The following PPP2R1B variants were observed in gnomAD, a reference collection of about 807,000 sequenced individuals.
The protein encoded by PPP2R1B is protein phosphatase 2 scaffold subunit Abeta.
In PPP2R1B, 58 loss-of-function variants were observed where a neutral mutation model predicts 72.7. The ratio of observed to expected loss-of-function variants is 0.80; its 90% CI spans 0.65 to 0.99. PPP2R1B has a LOEUF of 0.99. PPP2R1B is among the 50% of genes least tolerant of loss of function. PPP2R1B has a pLI of 0.00. For missense variants in PPP2R1B, 695 were observed against 733.6 expected, an observed-to-expected ratio of 0.95 and a Z score of 0.61; for synonymous variants, 256 against 264.6, an observed-to-expected ratio of 0.97 and a Z score of 0.32.
At chr11:111,708,052 G>A in the PPP2R1B span, among the ~76,000 whole-genome samples, 1 of 152,198 alleles carries the variant, frequency 6.6e-6, no homozygotes, top group African/African-American at 2.4e-5. Context: ...CCTGGAAACA[G>A]TTGCTCCCCT....
At chr11:111,690,711 G>A in the PPP2R1B span, among the ~76,000 whole-genome samples, 1 of 151,646 alleles carries the variant, frequency 6.6e-6, no homozygotes, top group Non-Finnish European at 1.5e-5. Context: ...AACATGTGGT[G>A]TTTGGTTTTC....
At position 111,763,205 on chromosome 11, in the gene PPP2R1B, G is replaced by C. The variant is rs566702486; in HGVS notation, c.306+1600C>G. ...TGAAAGAGCTTTTCATTAGAGGGAA[G>C]ACCTAGGGCAAAGGTCCTAAGGGAA... On this transcript the variant is annotated intron_variant, in intron 3 of 14. Transcript: ENST00000527614. Among the ~76,000 whole-genome samples the C allele has an allele frequency of 2.0e-5, 3 of 152,330 alleles. No homozygotes were observed. The South Asian group carries it at 6.2e-4, about 32-fold the overall frequency.
intron 3 of PPP2R1B, among the ~76,000 whole-genome samples, chr11:111,764,162 A>T (rs782332438): frequency 7.9e-5 from 12 of 151,162 alleles, no homozygotes; most frequent in Admixed American, 1.3e-4. Flanking sequence ...CTGCACGGTA[A>T]TTATTTGCTG....
chr11:111,755,576 C>A, intron 5 of PPP2R1B, 126 bp from the exon 6 acceptor site: 918 of 597,796 alleles, frequency 1.5e-3, no homozygotes, highest in Non-Finnish European at 2.2e-3. Context: ...AGTTTCACGT[C>A]TTGACATCTT....
rs1945258443 is a variant in PPP2R1B, at chr11:111,759,822, A to T, written c.669T>A (p.Ser223Arg). ...AGTTTACCTGTTCATCTGAAGCTAG[A>T]CTAGTGAACAGTGGAACAATTTCAC... The part of the protein sequence containing the change: ...VKSEIVPLFT[S>R]LASDEQDSVR... Residue 223 changes from serine to arginine, a missense_variant, in exon 5 of 15, where the codon AGT (serine) becomes AGA (arginine). Transcript: ENST00000527614. 6.2e-7 allele frequency: 1 copy of T among 1,612,936 alleles called. No homozygotes were observed. Among genetic ancestry groups the T allele is most frequent in the African/African-American group, 1.3e-5 (1 of 75,022 alleles).
chr11:111,754,584 GA>G lies in PPP2R1B; in HGVS notation c.959-16del. The G allele has an allele frequency of 6.3e-7, 1 of 1,587,018 alleles. No individual in the cohort carries two copies. Among genetic ancestry groups the G allele is most frequent in the Non-Finnish European group, 8.5e-7 (1 of 1,173,134 alleles). ...CTCACCAAGTTCTAAAAGATAAATA[GA>G]AAAAAAGAATGCTTTCACAGGGCCA... On this transcript the variant is annotated splice_polypyrimidine_tract_variant and intron_variant, in intron 7 of 14. Coordinates refer to ENST00000527614, the MANE Select transcript of PPP2R1B (RefSeq NM_002716.5).
At chr11:111,737,547 C>G, downstream of PPP2R1B, 1 of 1,614,220 alleles carries the variant, frequency 6.2e-7, no homozygotes, top group Non-Finnish European at 8.5e-7. Context: ...GAAATTCTAG[C>G]TTCCTCAGCC....
Position 111,738,858 on chromosome 11 carries a change from T to G in PPP2R1B, c.*2738A>C. ...GGTGAATTCCACTGTTGCTGAGACATTTTTATTGGCATAGGTTATATGTTT... is the reference window on the plus strand; with the variant it reads ...GGTGAATTCCACTGTTGCTGAGACAGTTTTATTGGCATAGGTTATATGTTT... On this transcript the variant is annotated 3_prime_UTR_variant, in exon 15 of 15. Coordinates refer to ENST00000527614, the MANE Select transcript of PPP2R1B (RefSeq NM_002716.5). 1.0e-6 allele frequency: 1 copy of G among 984,996 alleles called. No individual in the cohort carries two copies. Among genetic ancestry groups the G allele is most frequent in the South Asian group, 4.7e-5 (1 of 21,250 alleles). The allele number at this position is 984,996 out of a possible 1,614,324, so 61.0% of individuals were successfully genotyped here.
At position 111,755,350 on chromosome 11, in the gene PPP2R1B, G is replaced by C; in HGVS notation, c.788C>G (p.Ala263Gly). 6.2e-7 allele frequency: 1 copy of C among 1,613,528 alleles called. No homozygotes were observed. The highest frequency in any genetic ancestry group is 2.2e-5 in the East Asian group (1 of 44,886). ...AACGCGCCAAGATTTATCTTCTGCT[G>C]CTTGTCGAAGTGTAGGCATCACCAA... ...ETLVMPTLRQ[A>G]AEDKSWRVRY... Residue 263 changes from alanine (A) to glycine (G), a missense_variant, in exon 6 of 15, where the codon GCA (alanine) becomes GGA (glycine). Physicochemically the swap from Ala to Gly is moderately conservative, Grantham distance 60. Transcript: ENST00000527614.
downstream of PPP2R1B, chr11:111,723,673 C>A (rs111728096): frequency 6.2e-7 from 1 of 1,613,716 alleles, no homozygotes; most frequent in African/African-American, 1.3e-5. Context: ...AGCCCCTGAG[C>A]CCCGTCCTGG....
the PPP2R1B span, among the ~76,000 whole-genome samples, chr11:111,714,545 G>A: frequency 6.6e-6 from 1 of 152,172 alleles, no homozygotes; most frequent in South Asian, 2.1e-4. Context: ...AGGTGATGAG[G>A]CCTGAACTAG....
chr11:111,707,541 C>T, the PPP2R1B span, among the ~76,000 whole-genome samples: 1 of 152,184 alleles, frequency 6.6e-6, no homozygotes, highest in African/African-American at 2.4e-5. Context: ...CTTCAATGCT[C>T]ATTCACATGC....
chr11:111,702,298 C>T, the PPP2R1B span, among the ~76,000 whole-genome samples: 4 of 152,200 alleles, frequency 2.6e-5, no homozygotes, highest in Non-Finnish European at 5.9e-5. Context: ...TTAAATTAAT[C>T]TGTCAGTCAG....
At chr11:111,730,944 G>A (rs1441708737) in intron 15 of PPP2R1B, 2 of 152,262 alleles carry the variant, frequency 1.3e-5, no homozygotes, top group African/African-American at 2.4e-5. Context: ...GAAGGTGGCT[G>A]TGTTCTCTGA....
the PPP2R1B span, among the ~76,000 whole-genome samples, chr11:111,713,717 G>A: frequency 5.3e-5 from 8 of 152,212 alleles, 1 homozygote; most frequent in Admixed American, 5.2e-4. Flanking sequence ...GCCTGTAATC[G>A]CAGCACTTTG....
At chr11:111,734,124 G>T (rs181474201), downstream of PPP2R1B, among the ~76,000 whole-genome samples, 19 of 152,302 alleles carry the variant, frequency 1.2e-4, 1 homozygote, top group Admixed American at 1.1e-3. Flanking sequence ...GCCTGGCCTG[G>T]CACTCCTGGA....
At position 111,739,283 on chromosome 11, in the gene PPP2R1B, C is replaced by T; in HGVS notation, c.*2313G>A. On this transcript the variant is annotated 3_prime_UTR_variant, in exon 15 of 15. Coordinates refer to ENST00000527614, the MANE Select transcript of PPP2R1B (RefSeq NM_002716.5). Reference sequence around the variant, plus strand: ...AGACAAAAATACCAGCCTTACAGAGCTCCTAAAGCCTATATTCCAGTGAAA... The same window carrying T: ...AGACAAAAATACCAGCCTTACAGAGTTCCTAAAGCCTATATTCCAGTGAAA... The T allele has an allele frequency of 1.0e-6, 1 of 973,656 alleles. No individual in the cohort carries two copies. The highest frequency in any genetic ancestry group is 1.2e-6 in the Non-Finnish European group (1 of 819,450). 60.3% of individuals were successfully genotyped at this position (973,656 alleles called of 1,614,324 possible). A position where few individuals can be genotyped will look rare whatever the true frequency, so the allele number is the denominator to read the frequency against.
At chr11:111,701,007 C>T in the PPP2R1B span, 5 of 1,613,532 alleles carry the variant, frequency 3.1e-6, no homozygotes, top group Non-Finnish European at 8.5e-7. This position sits in a 1 kb window ranked among gnomAD's most constrained non-coding sequence, Gnocchi z 4.2. Context: ...AGCTGGACAT[C>T]TGGGTACTGC....
the PPP2R1B span, among the ~76,000 whole-genome samples, chr11:111,692,655 A>G: frequency 2.0e-5 from 3 of 152,202 alleles, no homozygotes; most frequent in East Asian, 3.8e-4. Context: ...TGTAAATTTT[A>G]TAACTTCTTG....
Sources: allele counts gnomAD v4.1 joint callset (sites outside exome capture counted in the v4.1 genomes callset), GRCh38; gene constraint gnomAD v4.1.1; non-coding constraint Gnocchi (gnomAD v3.1); transcripts MANE v1.5; gene names NCBI Gene and HGNC (gene_info 2026-07-23, HGNC 2026-07-21).